ELFN2: variants seen among roughly 807,000 people sequenced by gnomAD.
The protein encoded by ELFN2 is protein phosphatase 1 regulatory subunit 29.
ELFN2 carries 17 observed loss-of-function variants against 45.5 expected under a neutral mutation model. The observed-to-expected ratio is 0.37, with a 90% CI of 0.26 to 0.56. The LOEUF is 0.56. Among genes scored for constraint, ELFN2 ranks in the 20% least tolerant of loss-of-function variants. The pLI is 0.77. For synonymous variants in ELFN2, 550 were observed against 551.5 expected, an observed-to-expected ratio of 1.00 and a Z score of 0.04; for missense variants, 922 against 1,183.2, an observed-to-expected ratio of 0.78 and a Z score of 3.24.
At position 37,368,636 on chromosome 22, in the gene ELFN2, A is replaced by T. The variant is rs1016609182; in HGVS notation, c.*4436T>A. The stretch of plus-strand genomic sequence containing the variant: ...CTCTGGAGCAGCCACCTTGTCAGAC[A>T]GGAGAGGTGGCAATGGGGCCAGCCA... On this transcript the variant is annotated 3_prime_UTR_variant, in exon 3 of 3. Coordinates refer to ENST00000402918, the MANE Select transcript of ELFN2 (RefSeq NM_052906.5). 6.6e-6 allele frequency: 1 copy of T among 152,356 alleles called. No homozygotes were observed. The highest frequency in any genetic ancestry group is 2.4e-5 in the African/African-American group (1 of 41,470). 9.4% of individuals were successfully genotyped at this position (152,356 alleles called of 1,614,324 possible).
chr22:37,386,351 C>T (rs1931945899), intron 2 of ELFN2, among the ~76,000 whole-genome samples: 1 of 152,178 alleles, frequency 6.6e-6, no homozygotes, highest in Admixed American at 6.5e-5. Flanking sequence ...AGGACTGGGA[C>T]ACCTGCCTGC....
intron 1 of ELFN2, among the ~76,000 whole-genome samples, chr22:37,418,483 T>C (rs1482901840): frequency 6.6e-6 from 1 of 151,936 alleles, no homozygotes; most frequent in Non-Finnish European, 1.5e-5. Context: ...CACTCCCTAC[T>C]GGGCTCCACA....
chr22:37,348,492 G>A (rs906552537), intron 1 of ELFN2, among the ~76,000 whole-genome samples: 1 of 150,830 alleles, frequency 6.6e-6, no homozygotes, highest in Non-Finnish European at 1.5e-5. Flanking sequence ...ATCAGGGAGG[G>A]GTGGCCTTCC....
intron 1 of ELFN2, among the ~76,000 whole-genome samples, chr22:37,347,803 G>A (rs901781901): frequency 1.3e-5 from 2 of 152,158 alleles, no homozygotes; most frequent in Non-Finnish European, 2.9e-5. Context: ...CTAAGGCAGG[G>A]AACCCCCAGA....
At chr22:37,393,865 C>T (rs1158009755) in intron 2 of ELFN2, among the ~76,000 whole-genome samples, 2 of 152,182 alleles carry the variant, frequency 1.3e-5, no homozygotes, top group Admixed American at 6.5e-5. Flanking sequence ...GAGCTGCAGG[C>T]GACACGGAAC....
chr22:37,359,873 C>T (rs1010649896), intron 1 of ELFN2, among the ~76,000 whole-genome samples: 4 of 152,228 alleles, frequency 2.6e-5, no homozygotes, highest in South Asian at 2.1e-4. Flanking sequence ...GGCTACCCCA[C>T]GGGCAGTGTG....
downstream of ELFN2, among the ~76,000 whole-genome samples, chr22:37,367,410 G>C (rs1931229367): frequency 6.6e-6 from 1 of 152,230 alleles, no homozygotes; most frequent in African/African-American, 2.4e-5. Context: ...CACCAGAGGA[G>C]GGGTGGGCCA....
chr22:37,374,018 C>T lies in ELFN2; in HGVS notation c.1517G>A (p.Arg506His), dbSNP rs1931476792. ...VATKGNYIEVRTGAGGDGLAR... is the reference protein window; with the variant it reads ...VATKGNYIEVHTGAGGDGLAR... ...CAGACCGTCCCCGCCGGCGCCTGTGCGCACCTCGATATAGTTGCCTTTGGT... is the reference window on the plus strand; with the variant it reads ...CAGACCGTCCCCGCCGGCGCCTGTGTGCACCTCGATATAGTTGCCTTTGGT... Residue 506 changes from arginine (R) to histidine (H), a missense_variant, in exon 3 of 3, where the codon CGC (arginine) becomes CAC (histidine). Physicochemically the swap from Arg to His is conservative, Grantham distance 29. This residue lies in a region of ELFN2 where 564 missense variants were observed against 642.8 expected (regional missense o/e 0.88). Coordinates refer to ENST00000402918, the MANE Select transcript of ELFN2 (RefSeq NM_052906.5). The T allele has an allele frequency of 3.7e-6, 6 of 1,613,158 alleles. No homozygotes were observed. The highest frequency in any genetic ancestry group is 1.1e-5 in the South Asian group (1 of 91,086).
intron 2 of ELFN2, among the ~76,000 whole-genome samples, chr22:37,397,506 GCCCA>G (rs1287018460): frequency 6.6e-6 from 1 of 152,174 alleles, no homozygotes; most frequent in Non-Finnish European, 1.5e-5. Context: ...TGCTGGCCCT[GCCCA>G]CAGGACAGTC....
chr22:37,343,592 C>T (rs551967204), intron 1 of ELFN2, among the ~76,000 whole-genome samples: 4 of 152,110 alleles, frequency 2.6e-5, no homozygotes, highest in Admixed American at 1.3e-4. Context: ...TTGCTCCCTC[C>T]TCAGTGCTCC....
chr22:37,405,907 C>T (rs1000365649), intron 2 of ELFN2, among the ~76,000 whole-genome samples: 1 of 151,932 alleles, frequency 6.6e-6, no homozygotes, highest in Admixed American at 6.6e-5. Context: ...GAGGCCAAGG[C>T]AGGAGGATCA....
At chr22:37,412,903 G>A (rs1024834777) in intron 2 of ELFN2, among the ~76,000 whole-genome samples, 1 of 152,112 alleles carries the variant, frequency 6.6e-6, no homozygotes, top group Non-Finnish European at 1.5e-5. Flanking sequence ...AGTGGGCCTG[G>A]GCCAGGCACC....
chr22:37,391,293 C>T (rs914272519), intron 2 of ELFN2, among the ~76,000 whole-genome samples: 4 of 152,198 alleles, frequency 2.6e-5, no homozygotes, highest in Non-Finnish European at 5.9e-5. Flanking sequence ...TCATAGAGGA[C>T]AAAGACCAAG....
chr22:37,417,159 C>T lies in ELFN2; in HGVS notation c.-463+610G>A, dbSNP rs185375722. On this transcript the variant is annotated intron_variant, in intron 2 of 2. Coordinates refer to ENST00000402918, the MANE Select transcript of ELFN2 (RefSeq NM_052906.5). The surrounding 1 kb of genome is among the most constrained non-coding windows in gnomAD (Gnocchi z 4.5). ...CTCTCCTCTCCAGGGCAGCCACCAG[C>T]CCCAGCCAGGACGGAGCAGCTCCTT... is the stretch of plus-strand genomic sequence containing the variant. Among the ~76,000 whole-genome samples, 1 of 152,296 alleles carries T rather than the reference C, an allele frequency of 6.6e-6. No individual in the cohort carries two copies. Among genetic ancestry groups the T allele is most frequent in the East Asian group, 1.9e-4 (1 of 5,176 alleles).
chr22:37,352,186 A>G (rs1930837172), intron 1 of ELFN2: 1 of 150,868 alleles, frequency 6.6e-6, no homozygotes, highest in South Asian at 2.1e-4. Flanking sequence ...ACCCAACTCA[A>G]TCGTTTTCTT....
intron 1 of ELFN2, chr22:37,418,839 TCA>T (rs1932786509): frequency 6.6e-6 from 1 of 152,380 alleles, no homozygotes; most frequent in African/African-American, 2.4e-5. Flanking sequence ...CCACATGGGC[TCA>T]CACACAGCCT....
intron 1 of ELFN2, among the ~76,000 whole-genome samples, chr22:37,352,004 C>G (rs1381865699): frequency 4.0e-5 from 6 of 150,674 alleles, no homozygotes; most frequent in Non-Finnish European, 8.9e-5. Flanking sequence ...ACCCAGGACT[C>G]GTGGGCATTC....
chr22:37,346,634 T>A (rs1477131057), intron 1 of ELFN2, among the ~76,000 whole-genome samples: 1 of 152,166 alleles, frequency 6.6e-6, no homozygotes, highest in Non-Finnish European at 1.5e-5. Flanking sequence ...AAATAAAGAA[T>A]TCCTCTGCCC....
chr22:37,365,545 T>C (rs1419512403), downstream of ELFN2, among the ~76,000 whole-genome samples: 2 of 151,996 alleles, frequency 1.3e-5, no homozygotes, highest in Non-Finnish European at 2.9e-5. Flanking sequence ...GTTACAGATA[T>C]CTTGGAAAAA....
Sources: allele counts gnomAD v4.1 joint callset (sites outside exome capture counted in the v4.1 genomes callset), GRCh38; gene constraint gnomAD v4.1.1; regional missense constraint gnomAD v4.1.1; non-coding constraint Gnocchi (gnomAD v3.1); transcripts MANE v1.5; gene names NCBI Gene and HGNC (gene_info 2026-07-23, HGNC 2026-07-21).